PPTC7: variants seen among roughly 807,000 people sequenced by gnomAD.
PPTC7 encodes protein phosphatase targeting COQ7.
In PPTC7, 6 loss-of-function variants were observed where a neutral mutation model predicts 30.8. That is an observed-to-expected ratio of 0.19 (90% CI 0.11 to 0.38). The LOEUF is 0.38. Among genes scored for constraint, PPTC7 ranks in the 10% least tolerant of loss-of-function variants. The pLI is 1.00. For synonymous variants in PPTC7, 163 were observed against 168.1 expected, an observed-to-expected ratio of 0.97 and a Z score of 0.23; for missense variants, 218 against 404.8, an observed-to-expected ratio of 0.54 and a Z score of 3.96.
chr12:110,542,948 G>A (rs150864246), intron 3 of PPTC7, among the ~76,000 whole-genome samples: 14 of 152,256 alleles, frequency 9.2e-5, no homozygotes, highest in Admixed American at 7.2e-4. Context: ...GGTTCTTGGC[G>A]ACTTCTTAAG....
rs141821133 is a variant in PPTC7, at chr12:110,542,131, C to T, written c.603-2186G>A. Among the ~76,000 whole-genome samples, 1,039 of 150,312 alleles carry T rather than the reference C, an allele frequency of 6.9e-3. 1 individual carries two copies. Among genetic ancestry groups the T allele is most frequent in the Non-Finnish European group, 9.4e-3 (634 of 67,730 alleles). ...CGCCACTGCACTCTAGCCTGGGCAA[C>T]AGAGCAAGACTCCATCTCAAGAAAA... On this transcript the variant is annotated intron_variant, in intron 3 of 5. Coordinates refer to ENST00000354300, the MANE Select transcript of PPTC7 (RefSeq NM_139283.2).
intron 1 of PPTC7, among the ~76,000 whole-genome samples, chr12:110,566,170 T>A (rs199681927): frequency 6.6e-6 from 1 of 152,014 alleles, no homozygotes; most frequent in Non-Finnish European, 1.5e-5. Flanking sequence ...TAGGAGTCCC[T>A]GGAAGGAAAG....
At chr12:110,544,844 C>T (rs2064292401) in intron 3 of PPTC7, among the ~76,000 whole-genome samples, 1 of 150,552 alleles carries the variant, frequency 6.6e-6, no homozygotes, top group Non-Finnish European at 1.5e-5. Flanking sequence ...AGAGAAGGGG[C>T]GGGGAAAAAA....
At chr12:110,558,993 T>G (rs1416496317) in intron 1 of PPTC7, among the ~76,000 whole-genome samples, 1 of 152,074 alleles carries the variant, frequency 6.6e-6, no homozygotes, top group African/African-American at 2.4e-5. Flanking sequence ...TTTTACAAAG[T>G]ATTTTATTAA....
At chr12:110,538,565 T>C (rs1211782549) in intron 4 of PPTC7, among the ~76,000 whole-genome samples, 3 of 152,250 alleles carry the variant, frequency 2.0e-5, no homozygotes, top group Non-Finnish European at 4.4e-5. Flanking sequence ...AGGCAGATTC[T>C]GATAGCCTTT....
intron 1 of PPTC7, among the ~76,000 whole-genome samples, chr12:110,580,136 C>T: frequency 6.6e-6 from 1 of 152,052 alleles, no homozygotes; most frequent in East Asian, 1.9e-4. Flanking sequence ...TCCAGATAAA[C>T]CAAAGGAGAC....
At chr12:110,581,211 C>T (rs1381350962) in intron 1 of PPTC7, among the ~76,000 whole-genome samples, 2 of 152,110 alleles carry the variant, frequency 1.3e-5, no homozygotes, top group African/African-American at 4.8e-5. Context: ...GTCAGGAGTT[C>T]GAGACCGGCC....
At chr12:110,566,461 C>T (rs1443311393) in intron 1 of PPTC7, among the ~76,000 whole-genome samples, 2 of 152,216 alleles carry the variant, frequency 1.3e-5, no homozygotes, top group Non-Finnish European at 2.9e-5. Flanking sequence ...CCTTGGGCAG[C>T]TCTCTGAGCT....
At chr12:110,580,764 T>A (rs942227335) in intron 1 of PPTC7, among the ~76,000 whole-genome samples, 5 of 152,096 alleles carry the variant, frequency 3.3e-5, no homozygotes, top group African/African-American at 4.8e-5. Context: ...ATTTTATTTT[T>A]TTTTTGAGAC....
At chr12:110,582,423 G>T (rs1001288106) in intron 1 of PPTC7, among the ~76,000 whole-genome samples, 1 of 152,322 alleles carries the variant, frequency 6.6e-6, no homozygotes, top group South Asian at 2.1e-4. Context: ...GGATCCCCGG[G>T]GCATGCGGAG....
intron 1 of PPTC7, among the ~76,000 whole-genome samples, chr12:110,556,362 G>C (rs979143085): frequency 6.6e-6 from 1 of 152,122 alleles, no homozygotes; most frequent in Non-Finnish European, 1.5e-5. Context: ...TTATATAAGG[G>C]GAAGAGTTGT....
chr12:110,546,220 A>G, intron 2 of PPTC7, 142 bp from the exon 3 acceptor site: 1 of 646,692 alleles, frequency 1.5e-6, no homozygotes, highest in Non-Finnish European at 2.7e-6. Flanking sequence ...TATGCTCCAC[A>G]TCCTCTACGA....
At chr12:110,575,433 T>C (rs2064580259) in intron 1 of PPTC7, among the ~76,000 whole-genome samples, 1 of 152,056 alleles carries the variant, frequency 6.6e-6, no homozygotes, top group East Asian at 1.9e-4. Flanking sequence ...TTTGAGCTAC[T>C]CAAAGGACAT....
chr12:110,556,691 T>C (rs1317828297), intron 1 of PPTC7, among the ~76,000 whole-genome samples: 2 of 152,120 alleles, frequency 1.3e-5, no homozygotes, highest in African/African-American at 2.4e-5. Flanking sequence ...TAAGAGCAAA[T>C]GGAGGCCACA....
At chr12:110,574,082 G>A (rs192503652) in intron 1 of PPTC7, among the ~76,000 whole-genome samples, 1 of 144,532 alleles carries the variant, frequency 6.9e-6, no homozygotes, top group Admixed American at 7.2e-5. Context: ...AGGATTGCTG[G>A]AGCCCAGGAA....
At chr12:110,545,339 C>T (rs1268277145) in intron 3 of PPTC7, among the ~76,000 whole-genome samples, 3 of 152,120 alleles carry the variant, frequency 2.0e-5, no homozygotes, top group Admixed American at 6.5e-5. Context: ...GTGATCCACC[C>T]GCCTCAGCCT....
chr12:110,576,858 A>G (rs973109401), intron 1 of PPTC7, among the ~76,000 whole-genome samples: 1 of 152,200 alleles, frequency 6.6e-6, no homozygotes, highest in Non-Finnish European at 1.5e-5. Flanking sequence ...TGAATTATAC[A>G]TATCAGTTTT....
At chr12:110,549,214 T>C (rs2064333527) in intron 2 of PPTC7, among the ~76,000 whole-genome samples, 1 of 152,158 alleles carries the variant, frequency 6.6e-6, no homozygotes, top group Non-Finnish European at 1.5e-5. Context: ...ACCTTATCAA[T>C]CCATTTAAAG....
intron 1 of PPTC7, among the ~76,000 whole-genome samples, chr12:110,577,908 AAC>A (rs150465990): frequency 5.3e-5 from 8 of 151,062 alleles, no homozygotes; most frequent in African/African-American, 9.7e-5. Context: ...AGAAGTTATA[AAC>A]ACACACACAC....
Sources: gnomAD v4.1 joint callset for allele counts (sites outside exome capture counted in the v4.1 genomes callset) on GRCh38, gnomAD v4.1.1 for gene constraint, MANE v1.5 for transcripts, NCBI Gene and HGNC (gene_info 2026-07-23, HGNC 2026-07-21) for gene names.